Variants in OVOL2 observed in about 807,000 individuals in gnomAD.
The protein encoded by OVOL2 is ovo like zinc finger 2.
Under a neutral mutation model 18.1 loss-of-function variants are expected in OVOL2, and 13 were observed. That is an observed-to-expected ratio of 0.72 (90% CI 0.47 to 1.14). The LOEUF (loss-of-function observed/expected upper bound fraction) is 1.14. OVOL2 is among the 50% of genes most tolerant of loss of function. The probability of loss-of-function intolerance (pLI) is 0.00; values close to 1 mark genes in which losing one functional copy is unlikely to be tolerated. For synonymous variants in OVOL2, 166 were observed against 162.7 expected, an observed-to-expected ratio of 1.02 and a Z score of -0.16; for missense variants, 335 against 383.0, an observed-to-expected ratio of 0.87 and a Z score of 1.05.
At chr20:18,031,042 A>G (rs1274805725) in intron 3 of OVOL2, among the ~76,000 whole-genome samples, 1 of 152,178 alleles carries the variant, frequency 6.6e-6, no homozygotes, top group African/African-American at 2.4e-5. Flanking sequence ...AGGCTCACCC[A>G]TCTTGGTGCT....
In OVOL2 at chr20:18,057,770, C is replaced by G. The variant is rs1029568155; in HGVS notation, c.-136G>C. ...CTCGCCTGCCCTCTTCCTCCACCCC[C>G]CGCCGCGGCGCGGCCCAGGCCTCTC... is the stretch of plus-strand genomic sequence containing the variant. On this transcript the variant is annotated 5_prime_UTR_variant, in exon 1 of 4. Transcript: ENST00000278780. This position sits in a 1 kb window ranked among gnomAD's most constrained non-coding sequence, Gnocchi z 6.3. 1.6e-5 allele frequency: 22 copies of G among 1,410,502 alleles called. No homozygotes were observed. The South Asian group carries it at 2.2e-4, about 14-fold the overall frequency. The allele number at this position is 1,410,502 out of a possible 1,614,324, so 87.4% of individuals were successfully genotyped here.
Position 18,046,366 on chromosome 20 carries a change from G to A in OVOL2, c.322-4643C>T, listed in dbSNP as rs533787174. On this transcript the variant is annotated intron_variant, in intron 2 of 3. Transcript: ENST00000278780. The stretch of plus-strand genomic sequence containing the variant: ...CAATTAATGCACTGGACAAAGGTAA[G>A]AGGCTAGAAGCAGTTCAAGTGTCAC... Among the ~76,000 whole-genome samples the A allele has an allele frequency of 1.0e-3, 156 of 152,294 alleles. 1 individual carries two copies. Among genetic ancestry groups the A allele is most frequent in the African/African-American group, 3.4e-3 (143 of 41,560 alleles).
At chr20:18,047,833 G>A (rs377014280) in intron 2 of OVOL2, among the ~76,000 whole-genome samples, 1 of 102,954 alleles carries the variant, frequency 9.7e-6, no homozygotes, top group East Asian at 3.1e-4. Context: ...CAGCCCAGGC[G>A]ACAGAGTGAG....
At chr20:18,048,833 T>C (rs906883366) in intron 2 of OVOL2, among the ~76,000 whole-genome samples, 14 of 152,198 alleles carry the variant, frequency 9.2e-5, no homozygotes, top group Admixed American at 9.2e-4. Flanking sequence ...CTTTATCCCA[T>C]TTAGTGTCAA....
chr20:18,037,202 A>T (rs2036624257), intron 3 of OVOL2, among the ~76,000 whole-genome samples: 4 of 151,594 alleles, frequency 2.6e-5, no homozygotes, highest in Non-Finnish European at 4.4e-5. Context: ...CCTCAGGGGG[A>T]ATGCTGAGGA....
At chr20:18,048,196 A>G (rs2036741255) in intron 2 of OVOL2, among the ~76,000 whole-genome samples, 1 of 151,818 alleles carries the variant, frequency 6.6e-6, no homozygotes, top group Non-Finnish European at 1.5e-5. Flanking sequence ...CTGAGGCACG[A>G]GAATCACTTG....
intron 3 of OVOL2, among the ~76,000 whole-genome samples, chr20:18,040,935 G>A (rs904816688): frequency 3.9e-5 from 6 of 152,202 alleles, no homozygotes; most frequent in East Asian, 3.9e-4. Flanking sequence ...GGGCTGAGCT[G>A]TGGCAGGCCC....
chr20:18,056,901 C>G lies in OVOL2; in HGVS notation c.101-24G>C, dbSNP rs1010639605. ...CACTGTGGAGGGAGGGGCCGCGCCC[C>G]GACACACACACTCGGCGTCAACCCG... On this transcript the variant is annotated intron_variant, in intron 1 of 3. Coordinates refer to ENST00000278780, the MANE Select transcript of OVOL2 (RefSeq NM_021220.4). The surrounding 1 kb of genome is among the most constrained non-coding windows in gnomAD (Gnocchi z 4.2). 19 of 1,474,930 alleles carry G rather than the reference C, an allele frequency of 1.3e-5. No homozygotes were observed. The African/African-American group carries it at 1.5e-4, about 11-fold the overall frequency. 91.4% of individuals were successfully genotyped at this position (1,474,930 alleles called of 1,614,324 possible). A position where few individuals can be genotyped will look rare whatever the true frequency, so the allele number is the denominator to read the frequency against.
Position 18,056,244 on chromosome 20 carries a change from A to G in OVOL2, c.321+413T>C, listed in dbSNP as rs1011071416. Among the ~76,000 whole-genome samples the G allele has an allele frequency of 6.6e-6, 1 of 152,194 alleles. No homozygotes were observed. Reference sequence around the variant, plus strand: ...ATCGCGGCGCCAGGAACTGCGTCCCAGAGGGTGGAATTTCTGAGAGCGCTG... The same window carrying G: ...ATCGCGGCGCCAGGAACTGCGTCCCGGAGGGTGGAATTTCTGAGAGCGCTG... On this transcript the variant is annotated intron_variant, in intron 2 of 3. Transcript: ENST00000278780. This position sits in a 1 kb window ranked among gnomAD's most constrained non-coding sequence, Gnocchi z 4.2.
rs2036844201 is a variant in OVOL2 at position 18,057,716 on chromosome 20, C to T, written c.-82G>A. 2 of 1,465,736 alleles carry T rather than the reference C, an allele frequency of 1.4e-6. 1 individual carries two copies. The allele number at this position is 1,465,736 out of a possible 1,614,324, so 90.8% of individuals were successfully genotyped here. On this transcript the variant is annotated 5_prime_UTR_variant, in exon 1 of 4. Transcript: ENST00000278780. The surrounding 1 kb of genome is among the most constrained non-coding windows in gnomAD (Gnocchi z 6.3). ...GCAACGGCGGCGGCTCCGTCCCCGGCTCCCGGCGGCCAGAGCCCACCTTCC... is the reference window on the plus strand; with the variant it reads ...GCAACGGCGGCGGCTCCGTCCCCGGTTCCCGGCGGCCAGAGCCCACCTTCC...
At chr20:18,043,004 A>G (rs2036688492) in intron 2 of OVOL2, among the ~76,000 whole-genome samples, 1 of 152,168 alleles carries the variant, frequency 6.6e-6, no homozygotes, top group South Asian at 2.1e-4. Context: ...TGGCAACGCA[A>G]AATGGACTAA....
At chr20:18,029,592 A>C (rs945409149) in intron 3 of OVOL2, among the ~76,000 whole-genome samples, 2 of 152,126 alleles carry the variant, frequency 1.3e-5, no homozygotes, top group Admixed American at 1.3e-4. Flanking sequence ...TCCCATCTCC[A>C]ACCACCTGCC....
intron 3 of OVOL2, among the ~76,000 whole-genome samples, chr20:18,028,072 G>A (rs2036536059): frequency 6.6e-6 from 1 of 152,120 alleles, no homozygotes; most frequent in Admixed American, 6.6e-5. Flanking sequence ...ATGCCACCTG[G>A]AGAAACCCGC....
chr20:18,028,785 C>A (rs776253033), intron 3 of OVOL2, among the ~76,000 whole-genome samples: 1 of 151,616 alleles, frequency 6.6e-6, no homozygotes, highest in Non-Finnish European at 1.5e-5. Flanking sequence ...AGAGCGAGAC[C>A]CTGTCTCAAA....
chr20:18,053,265 A>G (rs1374401487), intron 2 of OVOL2, among the ~76,000 whole-genome samples: 5 of 152,230 alleles, frequency 3.3e-5, no homozygotes, highest in African/African-American at 1.2e-4. Flanking sequence ...TTACACATGC[A>G]CAGAAAGCTA....
intron 3 of OVOL2, among the ~76,000 whole-genome samples, chr20:18,033,350 C>T (rs1317487019): frequency 1.3e-5 from 2 of 152,192 alleles, no homozygotes; most frequent in Non-Finnish European, 2.9e-5. Flanking sequence ...AGCAGCTTCC[C>T]CAGGAATGGC....
chr20:18,055,735 G>C (rs1344608295), intron 2 of OVOL2, among the ~76,000 whole-genome samples: 1 of 152,204 alleles, frequency 6.6e-6, no homozygotes, highest in African/African-American at 2.4e-5. Context: ...GAGGGCACCG[G>C]AGAGCCCTGG....
rs866549640 is a variant in OVOL2 at position 18,057,578 on chromosome 20, C to A, written c.57G>T (p.Trp19Cys). The A allele has an allele frequency of 6.3e-7, 1 of 1,597,772 alleles. No homozygotes were observed. Among genetic ancestry groups the A allele is most frequent in the East Asian group, 2.3e-5 (1 of 43,998 alleles). The change falls in exon 1 of 4, where the codon TGG (tryptophan) becomes TGT (cysteine). Residue 19 changes from tryptophan to cysteine, a missense_variant. Trp to Cys is a radical substitution (Grantham distance 215). Coordinates refer to ENST00000278780, the MANE Select transcript of OVOL2 (RefSeq NM_021220.4). The surrounding 1 kb of genome is among the most constrained non-coding windows in gnomAD (Gnocchi z 6.3). ...RRSLGVSVRS[W>C]DELPDEKRAD... Reference sequence around the variant, plus strand: ...CCCTTTTCTCATCCGGGAGCTCATCCCAGCTGCGGACCGAGACCCCCAGGC... The same window carrying A: ...CCCTTTTCTCATCCGGGAGCTCATCACAGCTGCGGACCGAGACCCCCAGGC...
chr20:18,026,619 G>A (rs2036520808), intron 3 of OVOL2, among the ~76,000 whole-genome samples: 1 of 152,154 alleles, frequency 6.6e-6, no homozygotes, highest in Non-Finnish European at 1.5e-5. Context: ...CTGACCTTGT[G>A]ATCTGCCCCC....
Sources: gnomAD v4.1 joint callset for allele counts (sites outside exome capture counted in the v4.1 genomes callset) on GRCh38, gnomAD v4.1.1 for gene constraint, Gnocchi (gnomAD v3.1) non-coding constraint, MANE v1.5 for transcripts, NCBI Gene and HGNC (gene_info 2026-07-23, HGNC 2026-07-21) for gene names.